Variants in CLYBL observed in about 807,000 individuals in gnomAD.
CLYBL encodes the protein citramalyl-CoA lyase.
Under a neutral mutation model 38.9 loss-of-function variants are expected in CLYBL, and 31 were observed. The observed-to-expected ratio is 0.80, with a 90% confidence interval of 0.60 to 1.08. CLYBL has a LOEUF of 1.08. CLYBL is among the 50% of genes least tolerant of loss of function. The pLI is 0.00. For missense variants in CLYBL, 434 were observed against 411.6 expected (o/e 1.05, Z -0.47); for synonymous variants, 171 against 158.6 (o/e 1.08, Z -0.59).
At chr13:99,844,740 T>C (rs1234224831) in intron 2 of CLYBL, among the ~76,000 whole-genome samples, 1 of 152,138 alleles carries the variant, frequency 6.6e-6, no homozygotes, top group Non-Finnish European at 1.5e-5. Context: ...GCTGTTCTCA[T>C]CTCGGGTCTA....
intron 2 of CLYBL, among the ~76,000 whole-genome samples, chr13:99,800,691 T>C (rs2050113759): frequency 6.6e-6 from 1 of 151,966 alleles, no homozygotes; most frequent in Admixed American, 6.6e-5. Context: ...CTGGCCAACA[T>C]GGTGAAACTC....
chr13:99,698,047 A>G (rs1051644806), intron 1 of CLYBL, among the ~76,000 whole-genome samples: 1 of 152,204 alleles, frequency 6.6e-6, no homozygotes, highest in African/African-American at 2.4e-5. Flanking sequence ...AAAGAGATTA[A>G]TTAAGGTTGT....
intron 7 of CLYBL, among the ~76,000 whole-genome samples, chr13:99,878,884 A>G (rs1427460375): frequency 1.3e-5 from 2 of 152,194 alleles, no homozygotes; most frequent in African/African-American, 4.8e-5. Context: ...TTAAAGAGAA[A>G]TCTTGCCATC....
chr13:99,787,053 TG>T (rs1399001734), intron 2 of CLYBL, among the ~76,000 whole-genome samples: 2 of 152,208 alleles, frequency 1.3e-5, no homozygotes, highest in Non-Finnish European at 2.9e-5. Flanking sequence ...TTGATGGGGT[TG>T]TTTTTTTCTT....
chr13:99,660,488 G>A (rs2047393661), intron 1 of CLYBL, among the ~76,000 whole-genome samples: 1 of 152,116 alleles, frequency 6.6e-6, no homozygotes, highest in Admixed American at 6.5e-5. Flanking sequence ...TGTGTTCAAT[G>A]CAGGGATGCA....
intron 1 of CLYBL, among the ~76,000 whole-genome samples, chr13:99,716,787 C>CTTTTTTTTTTTTTTTTTTTTT (rs1260332084): frequency 9.9e-6 from 1 of 100,918 alleles, no homozygotes; most frequent in Non-Finnish European, 2.1e-5. Flanking sequence ...CTTTTCTTTT[C>CTTTTTTTTTTTTTTTTTTTTT]TTTTTTTTTT....
At chr13:99,645,402 G>A (rs1651787988) in intron 1 of CLYBL, among the ~76,000 whole-genome samples, 1 of 150,766 alleles carries the variant, frequency 6.6e-6, no homozygotes, top group African/African-American at 2.4e-5. Context: ...GGAGGCTGAG[G>A]CAGGAGAATG....
At chr13:99,896,794 C>G (rs1049900376), downstream of CLYBL, 3 of 152,358 alleles carry the variant, frequency 2.0e-5, no homozygotes, top group Admixed American at 6.5e-5. Context: ...GGAGGCCACT[C>G]TAAGTGGTAA....
chr13:99,671,350 G>A (rs953073581), intron 1 of CLYBL, among the ~76,000 whole-genome samples: 5 of 152,184 alleles, frequency 3.3e-5, no homozygotes, highest in East Asian at 1.9e-4. Context: ...GCTGAGCAGG[G>A]AGTTGCTACT....
intron 2 of CLYBL, among the ~76,000 whole-genome samples, chr13:99,809,367 T>C (rs2050295551): frequency 6.6e-6 from 1 of 152,212 alleles, no homozygotes; most frequent in African/African-American, 2.4e-5. Context: ...ACCAGTGTCA[T>C]GTGGAAGACC....
intron 2 of CLYBL, among the ~76,000 whole-genome samples, chr13:99,835,463 A>C (rs903365192): frequency 6.6e-6 from 1 of 152,212 alleles, no homozygotes; most frequent in African/African-American, 2.4e-5. Flanking sequence ...AGTGGAGGGC[A>C]GGTGGCTTCC....
At chr13:99,834,681 C>T (rs1198059016) in intron 2 of CLYBL, among the ~76,000 whole-genome samples, 1 of 152,202 alleles carries the variant, frequency 6.6e-6, no homozygotes, top group East Asian at 1.9e-4. Context: ...CCGGGGCCCA[C>T]TCTCTGCCAC....
intron 2 of CLYBL, among the ~76,000 whole-genome samples, chr13:99,827,413 G>A (rs976461772): frequency 6.6e-6 from 1 of 152,136 alleles, no homozygotes; most frequent in Non-Finnish European, 1.5e-5. Context: ...GACCATGAGC[G>A]TGGTCTTGTT....
At chr13:99,655,936 C>G (rs1351293077) in intron 1 of CLYBL, among the ~76,000 whole-genome samples, 3 of 152,204 alleles carry the variant, frequency 2.0e-5, no homozygotes, top group African/African-American at 7.2e-5. Flanking sequence ...GCAGGGCGCA[C>G]TTTTCATTTA....
At chr13:99,748,077 C>T (rs1214308826) in intron 1 of CLYBL, among the ~76,000 whole-genome samples, 1 of 152,140 alleles carries the variant, frequency 6.6e-6, no homozygotes, top group African/African-American at 2.4e-5. Context: ...TGAAACTATA[C>T]CCATTAGACA....
Position 99,865,954 on chromosome 13 carries a change from C to T in CLYBL, c.635-286C>T, listed in dbSNP as rs969252088. Among the ~76,000 whole-genome samples, 1 of 152,304 alleles carries T rather than the reference C, an allele frequency of 6.6e-6. No homozygotes were observed. Among genetic ancestry groups the T allele is most frequent in the South Asian group, 2.1e-4 (1 of 4,826 alleles). On this transcript the variant is annotated intron_variant, in intron 5 of 8. Transcript: ENST00000339105. The surrounding 1 kb of genome is among the most constrained non-coding windows in gnomAD (Gnocchi z 4.7). ...AGAAGGAAAAAAATATATCAGGAGT[C>T]CCTTGCGACCCTGACCCAGCCTCCC... is the stretch of plus-strand genomic sequence containing the variant.
At chr13:99,840,539 C>CCTAGG (rs2051046113) in intron 2 of CLYBL, among the ~76,000 whole-genome samples, 1 of 151,980 alleles carries the variant, frequency 6.6e-6, no homozygotes, top group Admixed American at 6.6e-5. Flanking sequence ...AGGGGAATTG[C>CCTAGG]TTGGGCACAA....
chr13:99,862,848 T>G, intron 3 of CLYBL, 143 bp from the exon 4 acceptor site: 1 of 435,056 alleles, frequency 2.3e-6, no homozygotes, highest in Non-Finnish European at 4.1e-6. Context: ...CTTCTTATTT[T>G]TTTAAAAAAA....
intron 1 of CLYBL, among the ~76,000 whole-genome samples, chr13:99,609,593 G>A (rs34250062): frequency 0.26 from 38,993 of 152,088 alleles, 6,128 homozygotes; most frequent in East Asian, 0.58. Flanking sequence ...CTGGAGTGCA[G>A]TGGTGCAATC....
Sources: allele counts gnomAD v4.1 joint callset (sites outside exome capture counted in the v4.1 genomes callset), GRCh38; gene constraint gnomAD v4.1.1; non-coding constraint Gnocchi (gnomAD v3.1); transcripts MANE v1.5; gene names NCBI Gene and HGNC (gene_info 2026-07-23, HGNC 2026-07-21).